METTL15: variants seen among roughly 807,000 people sequenced by gnomAD.
METTL15 encodes 12S rRNA N(4)-cytidine methyltransferase METTL15.
METTL15 carries 34 observed loss-of-function variants against 38.3 expected under a neutral mutation model. That is an observed-to-expected ratio of 0.89 (90% CI 0.68 to 1.18). METTL15 has a LOEUF of 1.18. Among genes scored for constraint, METTL15 ranks in the 50% most tolerant of loss-of-function variants. METTL15 has a pLI of 0.00. For missense variants in METTL15, 438 were observed against 498.4 expected, an observed-to-expected ratio of 0.88 and a Z score of 1.15; for synonymous variants, 162 against 170.9, an observed-to-expected ratio of 0.95 and a Z score of 0.41.
chr11:28,177,615 T>C (rs777503452), intron 3 of METTL15, among the ~76,000 whole-genome samples: 3 of 152,012 alleles, frequency 2.0e-5, no homozygotes, highest in Non-Finnish European at 4.4e-5. Context: ...ATTTGAAAGT[T>C]ATATTACTTA....
At chr11:28,142,095 T>G (rs1452345919) in intron 3 of METTL15, among the ~76,000 whole-genome samples, 1 of 152,198 alleles carries the variant, frequency 6.6e-6, no homozygotes, top group Non-Finnish European at 1.5e-5. Flanking sequence ...AGGACACTTT[T>G]GAGAAACCAA....
chr11:28,530,466 G>A (rs939439650), downstream of METTL15, among the ~76,000 whole-genome samples: 3 of 152,000 alleles, frequency 2.0e-5, no homozygotes, highest in Non-Finnish European at 2.9e-5. Context: ...TACCAAATTG[G>A]CAAAGCTCTA....
At chr11:28,415,102 G>A (rs1335801419) in intron 5 of METTL15, among the ~76,000 whole-genome samples, 1 of 152,176 alleles carries the variant, frequency 6.6e-6, no homozygotes, top group Non-Finnish European at 1.5e-5. Context: ...TGAAATATAT[G>A]ATTAAATCCC....
chr11:28,492,933 A>G (rs1435687352), intron 6 of METTL15, among the ~76,000 whole-genome samples: 1 of 152,160 alleles, frequency 6.6e-6, no homozygotes, highest in Non-Finnish European at 1.5e-5. Context: ...GGTGTAGGGC[A>G]AAACCAGGAC....
intron 3 of METTL15, among the ~76,000 whole-genome samples, chr11:28,183,163 A>G (rs1747637077): frequency 6.6e-6 from 1 of 152,032 alleles, no homozygotes; most frequent in Non-Finnish European, 1.5e-5. Flanking sequence ...TTGGGCTGAG[A>G]TGATGGGATT....
At chr11:28,383,499 G>T (rs527241518) in intron 5 of METTL15, among the ~76,000 whole-genome samples, 1 of 152,236 alleles carries the variant, frequency 6.6e-6, no homozygotes, top group South Asian at 2.1e-4. Flanking sequence ...GTATTGCTGG[G>T]TTGAATGGTA....
At chr11:28,430,722 G>T (rs1850915414) in intron 6 of METTL15, among the ~76,000 whole-genome samples, 1 of 119,118 alleles carries the variant, frequency 8.4e-6, no homozygotes, top group South Asian at 3.0e-4. Context: ...CTGGGAGGGA[G>T]GTGGGGGGGT....
intron 4 of METTL15, among the ~76,000 whole-genome samples, chr11:28,245,848 A>G (rs1854487547): frequency 6.6e-6 from 1 of 152,042 alleles, no homozygotes; most frequent in African/African-American, 2.4e-5. Flanking sequence ...AGTTTCAGAC[A>G]ACAAAATCTC....
intron 6 of METTL15, among the ~76,000 whole-genome samples, chr11:28,457,463 C>A (rs1196113588): frequency 6.6e-6 from 1 of 152,270 alleles, no homozygotes; most frequent in African/African-American, 2.4e-5. Context: ...AGAACTAGCA[C>A]AAATTTTAGC....
chr11:28,282,450 A>G (rs1856091724), intron 4 of METTL15, among the ~76,000 whole-genome samples: 1 of 152,190 alleles, frequency 6.6e-6, no homozygotes, highest in African/African-American at 2.4e-5. Flanking sequence ...TAAATATAAA[A>G]AGAGTATGAT....
chr11:28,153,051 C>T (rs1180108557), intron 3 of METTL15, among the ~76,000 whole-genome samples: 1 of 151,938 alleles, frequency 6.6e-6, no homozygotes, highest in Non-Finnish European at 1.5e-5. Flanking sequence ...ATATAATGTG[C>T]AGTGAGGGGG....
At chr11:28,338,485 C>T (rs1849921469), downstream of METTL15, among the ~76,000 whole-genome samples, 1 of 152,052 alleles carries the variant, frequency 6.6e-6, no homozygotes, top group Non-Finnish European at 1.5e-5. Context: ...CCTCCAAAAT[C>T]AGTTTGTCTC....
chr11:28,158,786 TC>T (rs1024718477), intron 3 of METTL15, among the ~76,000 whole-genome samples: 4 of 152,276 alleles, frequency 2.6e-5, no homozygotes, highest in Admixed American at 2.6e-4. Flanking sequence ...CTTACCATCT[TC>T]CCCATCATCT....
At chr11:28,362,449 G>A (rs936945126) in intron 5 of METTL15, among the ~76,000 whole-genome samples, 1 of 152,128 alleles carries the variant, frequency 6.6e-6, no homozygotes, top group South Asian at 2.1e-4. Context: ...CATAAGCATA[G>A]TACCCAACAG....
chr11:28,257,193 T>G (rs892938802), intron 4 of METTL15, among the ~76,000 whole-genome samples: 43 of 152,358 alleles, frequency 2.8e-4, no homozygotes, highest in Non-Finnish European at 5.7e-4. Context: ...CTTTCAGCAC[T>G]TGAAATCTTC....
In METTL15 at chr11:28,481,068, A is replaced by G. The variant is rs192340428; in HGVS notation, c.*425-45410A>G. On this transcript the variant is annotated intron_variant and NMD_transcript_variant, in intron 6 of 7. Transcript: ENST00000532947. ...GAAATGTTATGTTTTCATAATTTCA[A>G]TCTACTTGAAAATGCATGATTAAGG... Among the ~76,000 whole-genome samples the G allele has an allele frequency of 9.2e-5, 14 of 152,312 alleles. No homozygotes were observed. The East Asian group carries it at 9.7e-4, about 11-fold the overall frequency.
rs113301324 is a variant in METTL15, at chr11:28,266,342, A to G, written c.408-23864A>G. Among the ~76,000 whole-genome samples, 5 of 152,318 alleles carry G rather than the reference A, an allele frequency of 3.3e-5. 1 individual carries two copies. The highest frequency in any genetic ancestry group is 1.2e-4 in the African/African-American group (5 of 41,570). The stretch of plus-strand genomic sequence containing the variant: ...CATCAATGATAGACTGGATTAAGAA[A>G]ATGTGGCACATATACACCATGGAAT... On this transcript the variant is annotated intron_variant, in intron 4 of 6. Transcript: ENST00000407364.
chr11:28,404,994 T>C (rs1850662238), intron 5 of METTL15, among the ~76,000 whole-genome samples: 1 of 152,162 alleles, frequency 6.6e-6, no homozygotes, highest in Non-Finnish European at 1.5e-5. Context: ...TTCAAGCCCA[T>C]AAATGATACC....
intron 4 of METTL15, among the ~76,000 whole-genome samples, chr11:28,248,977 C>G (rs1854627772): frequency 6.6e-6 from 1 of 151,882 alleles, no homozygotes; most frequent in Non-Finnish European, 1.5e-5. Context: ...CTCTCTTTTA[C>G]TTTCTTCATT....
Sources: allele counts gnomAD v4.1 joint callset (sites outside exome capture counted in the v4.1 genomes callset), GRCh38; gene constraint gnomAD v4.1.1; transcripts MANE v1.5; gene names NCBI Gene and HGNC (gene_info 2026-07-23, HGNC 2026-07-21).